Variants in PASK observed in about 807,000 individuals in gnomAD.
PASK encodes PAS domain-containing serine/threonine-protein kinase.
In PASK, 110 loss-of-function variants were observed where a neutral mutation model predicts 121.0. The observed-to-expected ratio is 0.91, with a 90% CI of 0.78 to 1.06. PASK has a LOEUF of 1.06. Ranked by LOEUF, PASK falls within the 50% of genes least tolerant of loss-of-function variation. The pLI, the probability that PASK is intolerant of heterozygous loss-of-function variation, is 0.00. For missense variants in PASK, 1,643 were observed against 1,702.3 expected, an observed-to-expected ratio of 0.97 and a Z score of 0.61; for synonymous variants, 686 against 717.8, an observed-to-expected ratio of 0.96 and a Z score of 0.71.
At position 241,126,236 on chromosome 2, in the gene PASK, G is replaced by C. The variant is rs755458742; in HGVS notation, c.2679C>G (p.Ala893=). ...CTCGATGGTAGCAGCTCCCGGAGTAGGCACCCTCCTGGATCTCCCGCTGCA... is the reference window on the plus strand; with the variant it reads ...CTCGATGGTAGCAGCTCCCGGAGTACGCACCCTCCTGGATCTCCCGCTGCA... ...AGLQREIQEG[A]YSGSCYHRDG... The change falls in exon 10 of 18, where the codon GCC becomes GCG. Residue 893 remains alanine (A), a synonymous_variant. Transcript: ENST00000234040. 2.5e-6 allele frequency: 4 copies of C among 1,614,064 alleles called. No individual in the cohort carries two copies. The South Asian group carries it at 3.3e-5, about 13-fold the overall frequency.
chr2:241,128,574 G>A (rs2065981096), intron 9 of PASK, among the ~76,000 whole-genome samples: 1 of 152,146 alleles, frequency 6.6e-6, no homozygotes. Context: ...ACCTAATAAA[G>A]GTATACCAGA....
chr2:241,117,644 G>C (rs1431010617), intron 12 of PASK, among the ~76,000 whole-genome samples: 1 of 152,212 alleles, frequency 6.6e-6, no homozygotes, highest in African/African-American at 2.4e-5. Context: ...AGACATCCTG[G>C]TGAAAACTTT....
chr2:241,137,245 G>A lies in PASK; in HGVS notation c.896C>T (p.Ser299Phe). 6.2e-7 allele frequency: 1 copy of A among 1,613,566 alleles called. No homozygotes were observed. Among genetic ancestry groups the A allele is most frequent in the Non-Finnish European group, 8.5e-7 (1 of 1,179,462 alleles). The change falls in exon 7 of 18, where the codon TCT becomes TTT. Residue 299 changes from serine (S) to phenylalanine (F), a missense_variant. By Grantham distance (155) the Ser-to-Phe change is radical. Transcript: ENST00000234040. ...GGTACCGTCCCTGGCTCTTCCAACAGACCTCTGAATCTTGAGATTCTGAAA... is the reference window on the plus strand; with the variant it reads ...GGTACCGTCCCTGGCTCTTCCAACAAACCTCTGAATCTTGAGATTCTGAAA... ...HIPKNLKIQR[S>F]VGRARDGTTF...
intron 12 of PASK, among the ~76,000 whole-genome samples, chr2:241,119,909 G>T (rs1419238548): frequency 1.3e-5 from 2 of 152,082 alleles, no homozygotes; most frequent in Non-Finnish European, 2.9e-5. Flanking sequence ...CCTTCCCCAC[G>T]GGTGGGGGAA....
rs762454646 is a variant in PASK, at chr2:241,126,886, C to T, written c.2029G>A (p.Val677Ile). 3 of 1,613,288 alleles carry T rather than the reference C, an allele frequency of 1.9e-6. No homozygotes were observed. The highest frequency in any genetic ancestry group is 2.2e-5 in the South Asian group (2 of 91,064). ...GTCGGAACGAGTTCGGCGTGGGGGA[C>T]ATCCAGGGCTCCTGCAAGGCTCAAC... ...SQLSLAGALD[V>I]PHAELVPTEC... Residue 677 changes from valine to isoleucine, a missense_variant, in exon 10 of 18, where the codon GTC becomes ATC. Val to Ile is a conservative substitution (Grantham distance 29). Transcript: ENST00000234040.
chr2:241,133,283 T>TTG, intron 8 of PASK: 2 of 535,352 alleles, frequency 3.7e-6, no homozygotes, highest in Non-Finnish European at 3.4e-6. Flanking sequence ...GGCACTCACC[T>TTG]GCTGACAACC....
intron 9 of PASK, among the ~76,000 whole-genome samples, chr2:241,129,441 C>A (rs115953081): frequency 6.6e-6 from 1 of 152,174 alleles, no homozygotes; most frequent in Non-Finnish European, 1.5e-5. Context: ...GGGGAGAGGG[C>A]TTCACGGGCA....
At chr2:241,116,528 C>T (rs368332518) in intron 12 of PASK, among the ~76,000 whole-genome samples, 3 of 152,182 alleles carry the variant, frequency 2.0e-5, no homozygotes, top group Admixed American at 6.5e-5. Context: ...AGAGAATAAA[C>T]GAAGAAGCCA....
At chr2:241,127,945 T>C (rs1002806849) in intron 9 of PASK, among the ~76,000 whole-genome samples, 3 of 152,176 alleles carry the variant, frequency 2.0e-5, no homozygotes, top group African/African-American at 7.2e-5. Flanking sequence ...GGCTCTCAGA[T>C]TTGGGAAATG....
chr2:241,130,309 T>C (rs2066067905), intron 9 of PASK, among the ~76,000 whole-genome samples: 1 of 152,202 alleles, frequency 6.6e-6, no homozygotes, highest in Non-Finnish European at 1.5e-5. Context: ...CTCAGAACTG[T>C]GACATCCAGA....
At chr2:241,130,486 G>A (rs1236071786) in intron 9 of PASK, among the ~76,000 whole-genome samples, 1 of 152,138 alleles carries the variant, frequency 6.6e-6, no homozygotes, top group Non-Finnish European at 1.5e-5. Flanking sequence ...TGGCAAGGGG[G>A]CCCGGCCGCT....
Position 241,127,137 on chromosome 2 carries a change from G to C in PASK, c.1778C>G (p.Ala593Gly). Residue 593 changes from alanine to glycine, a missense_variant, in exon 10 of 18, where the codon GCC becomes GGC. Ala to Gly is a moderately conservative substitution (Grantham distance 60). Coordinates refer to ENST00000234040, the MANE Select transcript of PASK (RefSeq NM_015148.4). ...CAGCTGACCCTTGGCCTGGGGCTTGGCCACGGCAGCCCCAGCCCAAAGGTC... is the reference window on the plus strand; with the variant it reads ...CAGCTGACCCTTGGCCTGGGGCTTGCCCACGGCAGCCCCAGCCCAAAGGTC... ...GSDLWAGAAV[A>G]KPQAKGQLAG... The C allele has an allele frequency of 6.2e-7, 1 of 1,613,992 alleles. No homozygotes were observed.
rs868267751 is a variant in PASK, at chr2:241,138,853, G to A, written c.601-59C>T. The A allele has an allele frequency of 5.1e-6, 8 of 1,565,936 alleles. No individual in the cohort carries two copies. In the Middle Eastern group the frequency reaches 8.4e-4, roughly 164 times the overall value. ...ATGAACCCAAAAGACCAGTATGGGT[G>A]GGGCACCTGCCTCCAGGAGGCCCAA... On this transcript the variant is annotated intron_variant, in intron 4 of 17. Transcript: ENST00000234040.
chr2:241,122,600 C>T, intron 12 of PASK, 132 bp downstream of exon 12: 2 of 850,872 alleles, frequency 2.4e-6, no homozygotes, highest in Non-Finnish European at 4.0e-6. Context: ...AAACCGCCCA[C>T]ATGCCAGGTT....
At chr2:241,148,494 G>A (rs186486344) in intron 1 of PASK, among the ~76,000 whole-genome samples, 1 of 152,192 alleles carries the variant, frequency 6.6e-6, no homozygotes, top group Non-Finnish European at 1.5e-5. Context: ...GAGTGAAGAA[G>A]TCTTTCAGAG....
Position 241,106,587 on chromosome 2 carries a change from A to G in PASK, c.3951T>C (p.Asp1317=). ...PNGQGCLHPG[D]PRLLTS ...GTGTTTAGCTGGTCAGCAGACGGGG[A>G]TCCCCGGGATGCAAACAGCCTTGGC... The change falls in exon 18 of 18, where the codon GAT becomes GAC. Residue 1317 remains aspartate, a synonymous_variant. Transcript: ENST00000234040. 6.2e-7 allele frequency: 1 copy of G among 1,614,186 alleles called. No homozygotes were observed. Among genetic ancestry groups the G allele is most frequent in the Non-Finnish European group, 8.5e-7 (1 of 1,180,032 alleles).
At chr2:241,123,236 C>T (rs1306914638) in intron 11 of PASK, among the ~76,000 whole-genome samples, 3 of 148,264 alleles carry the variant, frequency 2.0e-5, no homozygotes, top group Non-Finnish European at 4.4e-5. Context: ...AGTGCAGTGG[C>T]GCAATCTCGG....
chr2:241,122,857 C>T lies in PASK; in HGVS notation c.2947G>A (p.Val983Met). The change falls in exon 12 of 18, where the codon GTG (valine) becomes ATG (methionine). Residue 983 changes from valine (V) to methionine (M), a missense_variant. Transcript: ENST00000234040. ...CAGGCCGCCAACCCCTCCAGTTCCACAGCCTTGGGGGGCTCCTCAAACCAG... is the reference window on the plus strand; with the variant it reads ...CAGGCCGCCAACCCCTCCAGTTCCATAGCCTTGGGGGGCTCCTCAAACCAG... ...RPWFEEPPKAVELEGLAACEG... is the reference protein window; with the variant it reads ...RPWFEEPPKAMELEGLAACEG... 6.2e-7 allele frequency: 1 copy of T among 1,614,224 alleles called. No individual in the cohort carries two copies. Among genetic ancestry groups the T allele is most frequent in the Non-Finnish European group, 8.5e-7 (1 of 1,180,026 alleles).
chr2:241,142,427 T>G (rs1467764718), intron 2 of PASK, among the ~76,000 whole-genome samples: 1 of 152,214 alleles, frequency 6.6e-6, no homozygotes, highest in Non-Finnish European at 1.5e-5. Context: ...ACCAACAGAC[T>G]TCTGCCCCAT....
Sources: gnomAD v4.1 joint callset for allele counts (sites outside exome capture counted in the v4.1 genomes callset) on GRCh38, gnomAD v4.1.1 for gene constraint, MANE v1.5 for transcripts, NCBI Gene and HGNC (gene_info 2026-07-23, HGNC 2026-07-21) for gene names.